ALK: variants seen among roughly 807,000 people sequenced by gnomAD.
The protein encoded by ALK is ALK receptor tyrosine kinase.
A neutral mutation model predicts 163.1 loss-of-function variants in ALK; 74 were observed. The observed-to-expected ratio is 0.45, with a 90% CI of 0.38 to 0.55. The LOEUF is 0.55. Ranked by LOEUF, ALK falls within the 20% of genes least tolerant of loss-of-function variation. The pLI is 0.00. For missense variants in ALK, 2,063 were observed against 2,105.3 expected, an observed-to-expected ratio of 0.98 and a Z score of 0.39; for synonymous variants, 960 against 843.2, an observed-to-expected ratio of 1.14 and a Z score of -2.40.
intron 11 of ALK, 33 bp from the exon 12 acceptor site, chr2:29,251,300 TG>T: frequency 6.2e-7 from 1 of 1,604,670 alleles, no homozygotes; most frequent in Non-Finnish European, 8.5e-7. Context: ...GTCACTCATG[TG>T]GCCAGGCCCT....
At chr2:29,788,396 T>C (rs1664098249) in intron 1 of ALK, among the ~76,000 whole-genome samples, 1 of 152,170 alleles carries the variant, frequency 6.6e-6, no homozygotes, top group Admixed American at 6.5e-5. Flanking sequence ...TCTAGACAGA[T>C]CCCAACAGCC....
chr2:29,694,380 T>C (rs556695805), intron 3 of ALK, among the ~76,000 whole-genome samples: 1 of 152,212 alleles, frequency 6.6e-6, no homozygotes, highest in African/African-American at 2.4e-5. Context: ...GATCTGGCAG[T>C]AAAAATAAAC....
chr2:29,681,160 C>G (rs1370767499), intron 3 of ALK: 1 of 152,350 alleles, frequency 6.6e-6, no homozygotes. Flanking sequence ...TTTTAGGCAA[C>G]CTGGTAGTCC....
At position 29,239,404 on chromosome 2, in the gene ALK, G is replaced by C. The variant is rs76788680; in HGVS notation, c.2355+276C>G. 1.4e-4 allele frequency among the ~76,000 whole-genome samples: 21 copies of C among 152,074 alleles called. 1 individual carries two copies. Among genetic ancestry groups the C allele is most frequent in the South Asian group, 1.2e-3 (6 of 4,826 alleles). On this transcript the variant is annotated intron_variant, in intron 13 of 28. Coordinates refer to ENST00000389048, the MANE Select transcript of ALK (RefSeq NM_004304.5). The stretch of plus-strand genomic sequence containing the variant: ...CAAAAGCTGTGCTTCAGGTGAGGGA[G>C]GGGGGGAGCCTGGCCCAACCAGGAG...
intron 4 of ALK, among the ~76,000 whole-genome samples, chr2:29,389,769 C>A (rs1005717881): frequency 2.0e-5 from 3 of 152,152 alleles, no homozygotes; most frequent in African/African-American, 7.2e-5. Flanking sequence ...TGACGCCTTC[C>A]CTGTTAGGAG....
chr2:29,706,770 G>C (rs192726143), intron 2 of ALK, among the ~76,000 whole-genome samples: 6 of 152,254 alleles, frequency 3.9e-5, no homozygotes, highest in Admixed American at 3.9e-4. Flanking sequence ...TCATAGAACA[G>C]AAAATTGAAA....
intron 1 of ALK, among the ~76,000 whole-genome samples, chr2:29,857,736 C>T (rs1482968515): frequency 1.3e-5 from 2 of 152,106 alleles, no homozygotes; most frequent in African/African-American, 4.8e-5. Context: ...AACAAAAGTC[C>T]CATGAAATCT....
At chr2:29,778,882 G>A (rs192644161) in intron 1 of ALK, among the ~76,000 whole-genome samples, 2 of 152,208 alleles carry the variant, frequency 1.3e-5, no homozygotes, top group Admixed American at 6.5e-5. Context: ...AAGGCCGGGT[G>A]CGGTGGCTCA....
chr2:29,744,654 G>A (rs189286396), intron 1 of ALK, among the ~76,000 whole-genome samples: 1 of 152,232 alleles, frequency 6.6e-6, no homozygotes, highest in Admixed American at 6.5e-5. Flanking sequence ...AGGCCAGAGT[G>A]CAGTGTTTCA....
At chr2:29,878,431 C>A (rs1666776400) in intron 1 of ALK, among the ~76,000 whole-genome samples, 1 of 152,184 alleles carries the variant, frequency 6.6e-6, no homozygotes, top group African/African-American at 2.4e-5. Context: ...GATTGAGAAA[C>A]TGAGGCTCAC....
chr2:29,871,058 A>G (rs559254568), intron 1 of ALK, among the ~76,000 whole-genome samples: 1 of 152,260 alleles, frequency 6.6e-6, no homozygotes, highest in African/African-American at 2.4e-5. Context: ...TCCTTTTTCA[A>G]TCCTGTGGGG....
intron 3 of ALK, among the ~76,000 whole-genome samples, chr2:29,657,155 A>C (rs1677207850): frequency 6.6e-6 from 1 of 152,186 alleles, no homozygotes; most frequent in South Asian, 2.1e-4. Flanking sequence ...AGTTGGACAC[A>C]AAAGTCTTAA....
intron 1 of ALK, among the ~76,000 whole-genome samples, chr2:29,885,207 GA>G (rs1666956728): frequency 6.6e-6 from 1 of 152,098 alleles, no homozygotes; most frequent in African/African-American, 2.4e-5. Context: ...TTGTTGCCCA[GA>G]AACCTGTAAG....
intron 3 of ALK, among the ~76,000 whole-genome samples, chr2:29,613,155 G>A (rs1297598143): frequency 6.6e-6 from 1 of 152,144 alleles, no homozygotes; most frequent in Admixed American, 6.5e-5. Context: ...CATGATTGTG[G>A]TCATTGGTAG....
chr2:29,343,272 G>A (rs928057146), intron 5 of ALK, among the ~76,000 whole-genome samples: 3 of 145,998 alleles, frequency 2.1e-5, no homozygotes, highest in Non-Finnish European at 4.5e-5. Flanking sequence ...GCAGTGGCAC[G>A]ATCATGGCTC....
chr2:29,298,281 A>G (rs1666259611), intron 8 of ALK, among the ~76,000 whole-genome samples: 2 of 152,144 alleles, frequency 1.3e-5, no homozygotes, highest in African/African-American at 4.8e-5. Flanking sequence ...TGGGTAGCAA[A>G]TATGCATCTC....
intron 1 of ALK, among the ~76,000 whole-genome samples, chr2:29,875,003 G>A (rs866945889): frequency 5.9e-5 from 9 of 152,130 alleles, no homozygotes; most frequent in Non-Finnish European, 1.0e-4. Flanking sequence ...CATGTGATCC[G>A]GCAATTCCAC....
intron 1 of ALK, among the ~76,000 whole-genome samples, chr2:29,728,786 A>G (rs904371717): frequency 2.6e-5 from 4 of 152,194 alleles, no homozygotes; most frequent in African/African-American, 4.8e-5. Flanking sequence ...GAGGCATTAT[A>G]GAGGAACCTT....
intron 4 of ALK, among the ~76,000 whole-genome samples, chr2:29,400,192 T>G (rs1485025360): frequency 6.6e-6 from 1 of 152,228 alleles, no homozygotes; most frequent in Non-Finnish European, 1.5e-5. Flanking sequence ...TCATGTATTA[T>G]AAAAATCTTT....
Sources: allele counts gnomAD v4.1 joint callset (sites outside exome capture counted in the v4.1 genomes callset), GRCh38; gene constraint gnomAD v4.1.1; transcripts MANE v1.5; gene names NCBI Gene and HGNC (gene_info 2026-07-23, HGNC 2026-07-21).